Variants in PIEZO1 observed in about 807,000 individuals in gnomAD.
PIEZO1 encodes the protein piezo-type mechanosensitive ion channel component 1.
A neutral mutation model predicts 297.2 loss-of-function variants in PIEZO1; 296 were observed. The ratio of observed to expected loss-of-function variants is 1.00; its 90% CI spans 0.91 to 1.10. PIEZO1 has a LOEUF of 1.10. Among genes scored for constraint, PIEZO1 ranks in the 50% least tolerant of loss-of-function variants. The pLI, the probability that PIEZO1 is intolerant of heterozygous loss-of-function variation, is 0.00. For synonymous variants in PIEZO1, 2,427 were observed against 1,507.5 expected (o/e 1.61, Z -14.13); for missense variants, 5,018 against 3,455.5 (o/e 1.45, Z -11.34).
intron 1 of PIEZO1, among the ~76,000 whole-genome samples, chr16:88,759,577 G>C (rs7500782): frequency 0.13 from 20,039 of 152,280 alleles, 1,493 homozygotes; most frequent in Middle Eastern, 0.21. Flanking sequence ...ACGTGGTACA[G>C]GCAGCTCCTG....
At chr16:88,725,225 C>CA in intron 29 of PIEZO1, 145 bp from the exon 30 acceptor site, 1 of 709,622 alleles carries the variant, frequency 1.4e-6, no homozygotes, top group Non-Finnish European at 2.3e-6. Context: ...CCATGGGGCT[C>CA]AGAGCCCATG....
chr16:88,743,716 C>T (rs1432829432), intron 2 of PIEZO1: 4 of 448,358 alleles, frequency 8.9e-6, no homozygotes, highest in African/African-American at 2.0e-5. Flanking sequence ...TAAGCCTGAC[C>T]GTGAAGCAGC....
rs977853784 is a variant in PIEZO1 at position 88,736,264 on chromosome 16, G to A, written c.1441C>T (p.Arg481Cys). 2.0e-5 allele frequency: 31 copies of A among 1,550,054 alleles called. No individual in the cohort carries two copies. The highest frequency in any genetic ancestry group is 2.0e-4 in the Admixed American group (10 of 50,984). The change falls in exon 12 of 51, where the codon CGC becomes TGC. Residue 481 changes from arginine (R) to cysteine (C), a missense_variant. Arg to Cys is a radical substitution (Grantham distance 180). Transcript: ENST00000301015. Reference sequence around the variant, plus strand: ...CGCAGGTCCATGGCCCACACGTAGCGTAGGCAGCACAGCGTCATCCCATAC... The same window carrying A: ...CGCAGGTCCATGGCCCACACGTAGCATAGGCAGCACAGCGTCATCCCATAC... ...LLYGMTLCCL[R>C]YVWAMDLRPE...
At chr16:88,723,825 C>CAAGCTCTGTGGTTGGAGTGGGGCCGACGG (rs1567663867) in intron 31 of PIEZO1, 46 bp downstream of exon 31, 12 of 1,040,738 alleles carry the variant, frequency 1.2e-5, no homozygotes, top group Non-Finnish European at 1.8e-5. Context: ...TCCAGGACCA[C>CAAGCTCTGTGGTTGGAGTGGGGCCGACGG]AAGCTCTGTG....
rs1904296551 is a variant in PIEZO1 at position 88,723,250 on chromosome 16, C to G, written c.4414G>C (p.Glu1472Gln). ...RQQEQEQARQ[E>Q]QAGQLPTGGG... The stretch of plus-strand genomic sequence containing the variant: ...CCTGTGGGTAGCTGTCCTGCCTGTT[C>G]CTGCCTTGCCTGCTCCTGCTCCTGC... The change falls in exon 32 of 51, where the codon GAA becomes CAA. Residue 1472 changes from glutamate to glutamine, a missense_variant. Coordinates refer to ENST00000301015, the MANE Select transcript of PIEZO1 (RefSeq NM_001142864.4). 4 of 1,538,316 alleles carry G rather than the reference C, an allele frequency of 2.6e-6. No homozygotes were observed. Among genetic ancestry groups the G allele is most frequent in the South Asian group, 2.4e-5 (2 of 83,906 alleles).
chr16:88,776,305 G>GCGCCTGTAGT (rs960804367), intron 1 of PIEZO1, among the ~76,000 whole-genome samples: 1 of 152,190 alleles, frequency 6.6e-6, no homozygotes, highest in Non-Finnish European at 1.5e-5. Context: ...GTGGTGGTGG[G>GCGCCTGTAGT]CGCCTGTAGT....
At chr16:88,753,579 GCCC>G (rs1906508117) in intron 1 of PIEZO1, among the ~76,000 whole-genome samples, 2 of 152,084 alleles carry the variant, frequency 1.3e-5, no homozygotes, top group South Asian at 4.1e-4. Flanking sequence ...ATGCTCCAAT[GCCC>G]CCATTTTCAG....
chr16:88,720,564 T>TTCCCCCCCCCCCC, intron 40 of PIEZO1, 32 bp from the exon 41 acceptor site: 1 of 1,542,076 alleles, frequency 6.5e-7, no homozygotes, highest in Non-Finnish European at 8.8e-7. Flanking sequence ...CTGGGCCCAG[T>TTCCCCCCCCCCCC]ACCCGCCTCC....
At position 88,719,608 on chromosome 16, in the gene PIEZO1, A is replaced by G. The variant is rs764875634; in HGVS notation, c.6437T>C (p.Ile2146Thr). 1.9e-6 allele frequency: 3 copies of G among 1,551,738 alleles called. No homozygotes were observed. Among genetic ancestry groups the G allele is most frequent in the Non-Finnish European group, 2.6e-6 (3 of 1,147,568 alleles). Residue 2146 changes from isoleucine (I) to threonine (T), a missense_variant, in exon 44 of 51, where the codon ATC becomes ACC. Physicochemically the swap from Ile to Thr is moderately conservative, Grantham distance 89. Transcript: ENST00000301015. ...WMCVEDIYAN[I>T]FIIKCSRETE... Reference sequence around the variant, plus strand: ...CTCTCGGCTGCATTTGATGATGAAGATGTTGGCATAGATGTCCTCCACACA... The same window carrying G: ...CTCTCGGCTGCATTTGATGATGAAGGTGTTGGCATAGATGTCCTCCACACA...
At chr16:88,730,330 G>T (rs928565708) in intron 22 of PIEZO1, among the ~76,000 whole-genome samples, 2 of 149,466 alleles carry the variant, frequency 1.3e-5, no homozygotes, top group East Asian at 2.0e-4. Context: ...GGCAGCTCAC[G>T]CCTGTAATCC....
chr16:88,784,607 G>A (rs1458764285), intron 1 of PIEZO1, among the ~76,000 whole-genome samples: 3 of 151,778 alleles, frequency 2.0e-5, no homozygotes, highest in Non-Finnish European at 4.4e-5. Context: ...CAGCGCCCCG[G>A]CGGAGACGCC....
At chr16:88,725,898 T>G in intron 27 of PIEZO1, 2 of 578,498 alleles carry the variant, frequency 3.5e-6, no homozygotes, top group South Asian at 4.2e-5. Flanking sequence ...CAGGGGCGTC[T>G]GGTGGCACCC....
In PIEZO1 at chr16:88,716,096, C is replaced by T. The variant is rs369319123; in HGVS notation, c.7153G>A (p.Val2385Met). ...QPNEEADYLG[V>M]RIQLRREQGA... Reference sequence around the variant, plus strand: ...TGCTCCCTCCGCAGCTGGATACGCACGCCGAGGTAGTCGGCCTCCTCATCT... The same window carrying T: ...TGCTCCCTCCGCAGCTGGATACGCATGCCGAGGTAGTCGGCCTCCTCATCT... The change falls in exon 50 of 51, where the codon GTG becomes ATG. Residue 2385 changes from valine (V) to methionine (M), a missense_variant. Val to Met is a conservative substitution (Grantham distance 21). Coordinates refer to ENST00000301015, the MANE Select transcript of PIEZO1 (RefSeq NM_001142864.4). 9.6e-5 allele frequency: 148 copies of T among 1,547,958 alleles called. No individual in the cohort carries two copies. In the African/African-American group the frequency reaches 1.5e-3, roughly 15 times the overall value.
rs753642385 is a variant in PIEZO1 at position 88,721,669 on chromosome 16, C to A, written c.5272G>T (p.Val1758Leu). Residue 1758 changes from valine (V) to leucine (L), a missense_variant, in exon 38 of 51, where the codon GTG becomes TTG. Physicochemically the swap from Val to Leu is conservative, Grantham distance 32. Coordinates refer to ENST00000301015, the MANE Select transcript of PIEZO1 (RefSeq NM_001142864.4). ...TTGTTCTCGTAGCGCCGCAGCACCA[C>A]GTGGCTGTTCCAGGGGAAGAACCCA... is the stretch of plus-strand genomic sequence containing the variant. Reference protein sequence around the residue: ...QFGFFPWNSHVVLRRYENKPY... With the variant: ...QFGFFPWNSHLVLRRYENKPY... 1 of 1,549,804 alleles carries A rather than the reference C, an allele frequency of 6.5e-7. No individual in the cohort carries two copies. Among genetic ancestry groups the A allele is most frequent in the African/African-American group, 1.4e-5 (1 of 73,028 alleles).
Position 88,784,884 on chromosome 16 carries a change from G to A in PIEZO1, c.64+17C>T, listed in dbSNP as rs577170711. ...CAGCCCCCTCCCGTCGCCCCCAGGC[G>A]CCCGCCCCCCACTCACCAGCCAGCA... On this transcript the variant is annotated intron_variant, in intron 1 of 50. Coordinates refer to ENST00000301015, the MANE Select transcript of PIEZO1 (RefSeq NM_001142864.4). The A allele has an allele frequency of 2.2e-3, 3,198 of 1,428,058 alleles. 13 individuals carry two copies. Among genetic ancestry groups the A allele is most frequent in the Middle Eastern group, 3.5e-3 (14 of 4,000 alleles). 88.5% of individuals were successfully genotyped at this position (1,428,058 alleles called of 1,614,324 possible).
chr16:88,753,507 A>C (rs973534285), intron 1 of PIEZO1, among the ~76,000 whole-genome samples: 1 of 151,958 alleles, frequency 6.6e-6, no homozygotes, highest in South Asian at 2.1e-4. Flanking sequence ...TTCTCCCATC[A>C]TCTGGTCTTG....
At position 88,726,439 on chromosome 16, in the gene PIEZO1, G is replaced by C; in HGVS notation, c.3813C>G (p.Asp1271Glu). ...CAGGCAGCAGGCAGTCCTGGTCTCT[G>C]TCCATCATCTCCTTGGCTGCAAGGC... ...KGYYDPKEMM[D>E]RDQDCLLPVE... Residue 1271 changes from aspartate (D) to glutamate (E), a missense_variant, in exon 27 of 51, where the codon GAC becomes GAG. Coordinates refer to ENST00000301015, the MANE Select transcript of PIEZO1 (RefSeq NM_001142864.4). The C allele has an allele frequency of 2.6e-6, 4 of 1,550,180 alleles. No individual in the cohort carries two copies. Among genetic ancestry groups the C allele is most frequent in the South Asian group, 1.2e-5 (1 of 84,046 alleles).
chr16:88,719,771 G>A lies in PIEZO1; in HGVS notation c.6323+31C>T, dbSNP rs1053852169. 7.9e-5 allele frequency: 123 copies of A among 1,550,090 alleles called. No homozygotes were observed. The East Asian group carries it at 9.0e-4, about 11-fold the overall frequency. On this transcript the variant is annotated intron_variant, in intron 43 of 50. Transcript: ENST00000301015. ...AGGTGGGCTCCCTCATGCCCGGGCC[G>A]TGACCCCCACCCCGGCGGACCTGCA...
chr16:88,782,119 T>C (rs923455308), intron 1 of PIEZO1, among the ~76,000 whole-genome samples: 2 of 152,200 alleles, frequency 1.3e-5, no homozygotes, highest in African/African-American at 4.8e-5. Context: ...CCCTTTTTTT[T>C]CCTTTTTCTT....
Sources: gnomAD v4.1 joint callset for allele counts (sites outside exome capture counted in the v4.1 genomes callset) on GRCh38, gnomAD v4.1.1 for gene constraint, MANE v1.5 for transcripts, NCBI Gene and HGNC (gene_info 2026-07-23, HGNC 2026-07-21) for gene names.